Variants in TRPM3 observed in about 807,000 individuals in gnomAD.
The protein encoded by TRPM3 is transient receptor potential cation channel subfamily M member 3.
In TRPM3, 77 loss-of-function variants were observed where a neutral mutation model predicts 181.2. The observed-to-expected ratio is 0.42, with a 90% CI of 0.35 to 0.51. TRPM3 has a LOEUF of 0.51. Ranked by LOEUF, TRPM3 falls within the 20% of genes least tolerant of loss-of-function variation. The pLI, the probability that TRPM3 is intolerant of heterozygous loss-of-function variation, is 0.01. For synonymous variants in TRPM3, 745 were observed against 796.4 expected (o/e 0.94, Z 1.09); for missense variants, 1,759 against 2,196.7 (o/e 0.80, Z 3.98).
At chr9:71,391,380 CTT>C (rs1357744032) in intron 1 of TRPM3, among the ~76,000 whole-genome samples, 1 of 145,946 alleles carries the variant, frequency 6.9e-6, no homozygotes, top group African/African-American at 2.6e-5. Context: ...GTCTACTTCT[CTT>C]TCTTTCTATG....
chr9:71,234,423 GTATTAGTATGCTAGTGCTGCCA>G, intron 1 of TRPM3, among the ~76,000 whole-genome samples: 1 of 152,298 alleles, frequency 6.6e-6, no homozygotes, highest in East Asian at 1.9e-4. Context: ...TGACCCATAT[GTATTAGTATGCTAGTGCTGCCA>G]TAATAAACTA....
At chr9:70,587,742 G>A (rs1311640318) in intron 22 of TRPM3, among the ~76,000 whole-genome samples, 1 of 152,076 alleles carries the variant, frequency 6.6e-6, no homozygotes, top group African/African-American at 2.4e-5. Context: ...AACAACCCAG[G>A]GCCTAAGTTG....
intron 1 of TRPM3, among the ~76,000 whole-genome samples, chr9:71,389,698 T>C (rs546759086): frequency 9.9e-5 from 15 of 152,118 alleles, no homozygotes; most frequent in African/African-American, 2.4e-4. Context: ...CTGGATGAGA[T>C]TGGAGACTAT....
chr9:71,350,964 T>A, intron 1 of TRPM3, among the ~76,000 whole-genome samples: 1 of 152,190 alleles, frequency 6.6e-6, no homozygotes, highest in East Asian at 1.9e-4. Flanking sequence ...ATAAAGCAAC[T>A]ATTTCTAAAA....
Position 71,134,001 on chromosome 9 carries a change from G to A in TRPM3, c.184-269490C>T, listed in dbSNP as rs1481532023. Among the ~76,000 whole-genome samples, 5 of 137,556 alleles carry A rather than the reference G, an allele frequency of 3.6e-5. No homozygotes were observed. The East Asian group carries it at 1.2e-3, about 33-fold the overall frequency. 90.2% of individuals were successfully genotyped at this position (137,556 alleles called of 152,430 possible). On this transcript the variant is annotated intron_variant, in intron 1 of 24. Coordinates refer to the TRPM3 transcript ENST00000357533. Reference sequence around the variant, plus strand: ...TGTGTGTGTGTGTGTGTGTGTGTGTGTGTGTGTGTGTGTGCGCGTGCGCGC... The same window carrying A: ...TGTGTGTGTGTGTGTGTGTGTGTGTATGTGTGTGTGTGTGCGCGTGCGCGC...
intron 1 of TRPM3, among the ~76,000 whole-genome samples, chr9:71,147,519 G>T (rs2075487624): frequency 6.6e-6 from 1 of 151,494 alleles, no homozygotes; most frequent in African/African-American, 2.4e-5. Context: ...AAACTCAACT[G>T]CTCTTCCTTA....
At chr9:70,878,059 C>A (rs2095903735) in intron 1 of TRPM3, among the ~76,000 whole-genome samples, 1 of 151,944 alleles carries the variant, frequency 6.6e-6, no homozygotes, top group African/African-American at 2.4e-5. Flanking sequence ...GACTTGAGGC[C>A]ACAATGTGTA....
At chr9:71,424,975 A>G (rs2093837440) in intron 1 of TRPM3, among the ~76,000 whole-genome samples, 2 of 152,170 alleles carry the variant, frequency 1.3e-5, no homozygotes, top group Admixed American at 1.3e-4. Flanking sequence ...ATATTGCCAG[A>G]TGAAATGGGC....
At chr9:70,869,671 C>T (rs961025415) in intron 1 of TRPM3, among the ~76,000 whole-genome samples, 1 of 151,948 alleles carries the variant, frequency 6.6e-6, no homozygotes, top group Non-Finnish European at 1.5e-5. Context: ...AAAACTTCTC[C>T]GATCATACTT....
chr9:70,806,868 T>C (rs959086071), intron 6 of TRPM3, among the ~76,000 whole-genome samples: 9 of 152,146 alleles, frequency 5.9e-5, no homozygotes, highest in Non-Finnish European at 4.4e-5. Flanking sequence ...ATGATCTAAA[T>C]AATAATTTGA....
chr9:70,962,554 C>T (rs1377915784), intron 1 of TRPM3, among the ~76,000 whole-genome samples: 1 of 152,132 alleles, frequency 6.6e-6, no homozygotes, highest in Non-Finnish European at 1.5e-5. Context: ...AGTAGTTTCC[C>T]CCTATCCATG....
intron 1 of TRPM3, among the ~76,000 whole-genome samples, chr9:71,348,717 A>G (rs1173919310): frequency 6.6e-6 from 1 of 151,182 alleles, no homozygotes; most frequent in African/African-American, 2.4e-5. Flanking sequence ...GGTGCCCCCT[A>G]CCAAGCCAGG....
At chr9:70,597,190 C>A (rs1473231101) in intron 21 of TRPM3, among the ~76,000 whole-genome samples, 1 of 152,142 alleles carries the variant, frequency 6.6e-6, no homozygotes, top group Non-Finnish European at 1.5e-5. Flanking sequence ...ACCCTGGCCT[C>A]CCAAAGTGCT....
At chr9:70,538,429 C>T (rs1030365525) in intron 25 of TRPM3, among the ~76,000 whole-genome samples, 1 of 150,524 alleles carries the variant, frequency 6.6e-6, no homozygotes, top group Non-Finnish European at 1.5e-5. Context: ...CCATGCCCTG[C>T]CTTTTGTTAG....
At chr9:71,259,087 C>G (rs747114716) in intron 1 of TRPM3, among the ~76,000 whole-genome samples, 2 of 151,958 alleles carry the variant, frequency 1.3e-5, no homozygotes, top group Admixed American at 6.6e-5. Flanking sequence ...ATGTTCCCCT[C>G]CCTGTGCCAA....
chr9:70,946,798 C>A (rs1172617228), intron 1 of TRPM3, among the ~76,000 whole-genome samples: 2 of 152,014 alleles, frequency 1.3e-5, no homozygotes, highest in African/African-American at 2.4e-5. Flanking sequence ...AATAGTCTTG[C>A]CTGTTTTTGT....
chr9:70,830,092 C>T (rs2093798746), intron 5 of TRPM3, among the ~76,000 whole-genome samples: 1 of 152,140 alleles, frequency 6.6e-6, no homozygotes, highest in Non-Finnish European at 1.5e-5. Flanking sequence ...CCAAAGCAGT[C>T]TGTGAGAGGC....
chr9:70,535,339 G>A lies in TRPM3; in HGVS notation c.*614C>T, dbSNP rs1294562969. 1 of 1,419,906 alleles carries A rather than the reference G, an allele frequency of 7.0e-7. No homozygotes were observed. The highest frequency in any genetic ancestry group is 9.7e-7 in the Non-Finnish European group (1 of 1,030,946). 88.0% of individuals were successfully genotyped at this position (1,419,906 alleles called of 1,614,324 possible). A position where few individuals can be genotyped will look rare whatever the true frequency, so the allele number is the denominator to read the frequency against. ...GATAAGAGACAGGTGAACTATGACT[G>A]TTACCTTGTTTTTTCTTTATAATGA... On this transcript the variant is annotated 3_prime_UTR_variant, in exon 26 of 26. Transcript: ENST00000677713.
At chr9:71,320,143 G>A (rs2089063337) in intron 1 of TRPM3, among the ~76,000 whole-genome samples, 1 of 151,662 alleles carries the variant, frequency 6.6e-6, no homozygotes, top group Non-Finnish European at 1.5e-5. Flanking sequence ...AGTGTGAAAG[G>A]TATATTAAAA....
Sources: gnomAD v4.1 joint callset for allele counts (sites outside exome capture counted in the v4.1 genomes callset) on GRCh38, gnomAD v4.1.1 for gene constraint, MANE v1.5 for transcripts, NCBI Gene and HGNC (gene_info 2026-07-23, HGNC 2026-07-21) for gene names.